The following TNFSF13B variants were observed in gnomAD, a reference collection of about 807,000 sequenced individuals.
The protein encoded by TNFSF13B is TNF superfamily member 13b, also known as tumor necrosis factor ligand superfamily member 13B.
Under a neutral mutation model 29.1 loss-of-function variants are expected in TNFSF13B, and 8 were observed. That is an observed-to-expected ratio of 0.27 (90% CI 0.16 to 0.50). TNFSF13B has a LOEUF of 0.50. Among genes scored for constraint, TNFSF13B ranks in the 20% least tolerant of loss-of-function variants. TNFSF13B has a pLI of 0.98. For missense variants in TNFSF13B, 248 were observed against 334.9 expected (o/e 0.74, Z 2.03); for synonymous variants, 125 against 130.8 (o/e 0.96, Z 0.30).
chr13:108,289,931 T>C (rs116009384), intron 3 of TNFSF13B, among the ~76,000 whole-genome samples: 89 of 152,188 alleles, frequency 5.8e-4, no homozygotes, highest in African/African-American at 2.1e-3. Flanking sequence ...AGATTTTGAA[T>C]AGGTAATGCA....
intron 3 of TNFSF13B, among the ~76,000 whole-genome samples, chr13:108,287,101 C>T (rs538204243): frequency 1.4e-3 from 185 of 127,884 alleles, no homozygotes; most frequent in African/African-American, 5.4e-3. Flanking sequence ...AGGGGAACAT[C>T]ACACACCGGG....
At chr13:108,274,393 ATACATAGTG>A (rs1880707826) in intron 2 of TNFSF13B, among the ~76,000 whole-genome samples, 2 of 150,950 alleles carry the variant, frequency 1.3e-5, no homozygotes, top group African/African-American at 2.4e-5. Context: ...ATATATATAC[ATACATAGTG>A]TGCATATGTG....
Position 108,270,930 on chromosome 13 carries a change from AT to A in TNFSF13B, c.424+509del, listed in dbSNP as rs755214053. Among the ~76,000 whole-genome samples, 75 of 151,806 alleles carry A rather than the reference AT, an allele frequency of 4.9e-4. 1 individual carries two copies. Among genetic ancestry groups the A allele is most frequent in the Middle Eastern group, 6.8e-3 (2 of 294 alleles). ...TGTATGTTGTACTTTAATTTTGTTT[AT>A]TTGTTAAAAAGGTTATTTTACACAC... On this transcript the variant is annotated intron_variant, in intron 2 of 5. Coordinates refer to ENST00000375887, the MANE Select transcript of TNFSF13B (RefSeq NM_006573.5).
At chr13:108,277,900 T>G (rs1163895732) in intron 2 of TNFSF13B, among the ~76,000 whole-genome samples, 1 of 152,150 alleles carries the variant, frequency 6.6e-6, no homozygotes, top group Non-Finnish European at 1.5e-5. Flanking sequence ...TATTTTGTGC[T>G]GATCTCCTAT....
In TNFSF13B at chr13:108,307,261, A is replaced by AT. The variant is rs1881806318; in HGVS notation, c.*325dup. 1 of 205,946 alleles carries AT rather than the reference A, an allele frequency of 4.9e-6. No homozygotes were observed. Among genetic ancestry groups the AT allele is most frequent in the African/African-American group, 2.4e-5 (1 of 42,266 alleles). 12.8% of individuals were successfully genotyped at this position (205,946 alleles called of 1,614,324 possible). ...CTTCTTATCTTGGAGGAAGGACACA[A>AT]TTCAAAGGGGCAGTAAGGATTTTGT... On this transcript the variant is annotated 3_prime_UTR_variant, in exon 6 of 6. Coordinates refer to ENST00000375887, the MANE Select transcript of TNFSF13B (RefSeq NM_006573.5).
At chr13:108,293,179 AT>A (rs1881371922) in intron 3 of TNFSF13B, among the ~76,000 whole-genome samples, 1 of 152,020 alleles carries the variant, frequency 6.6e-6, no homozygotes, top group Non-Finnish European at 1.5e-5. Context: ...GAAGAAGATG[AT>A]TTCTTCCACA....
At chr13:108,269,646 T>C (rs555424515), upstream of TNFSF13B, 110 of 427,758 alleles carry the variant, frequency 2.6e-4, no homozygotes, top group African/African-American at 2.1e-3. Flanking sequence ...TTACAAAAAC[T>C]GAAAGTGAAA....
At chr13:108,276,238 G>A (rs1303773484) in intron 2 of TNFSF13B, among the ~76,000 whole-genome samples, 3 of 152,168 alleles carry the variant, frequency 2.0e-5, no homozygotes, top group Non-Finnish European at 4.4e-5. Flanking sequence ...GTGTTCCTTC[G>A]TGGAACAGAA....
At chr13:108,282,744 C>T (rs979639173) in intron 2 of TNFSF13B, among the ~76,000 whole-genome samples, 5 of 151,994 alleles carry the variant, frequency 3.3e-5, no homozygotes, top group African/African-American at 7.2e-5. Flanking sequence ...ATGTATTTTA[C>T]ACATTATTAC....
intron 2 of TNFSF13B, among the ~76,000 whole-genome samples, chr13:108,270,967 A>G (rs1313439506): frequency 1.3e-5 from 2 of 152,038 alleles, no homozygotes; most frequent in African/African-American, 2.4e-5. Flanking sequence ...ACACACACAC[A>G]CACGCACAGA....
intron 2 of TNFSF13B, among the ~76,000 whole-genome samples, chr13:108,285,411 C>G (rs1344504333): frequency 6.6e-6 from 1 of 152,226 alleles, no homozygotes; most frequent in African/African-American, 2.4e-5. Context: ...TCAGAGCATA[C>G]TTACACAAAC....
rs182175092 is a variant in TNFSF13B at position 108,279,163 on chromosome 13, T to C, written c.425-7640T>C. The stretch of plus-strand genomic sequence containing the variant: ...AGAATTGTTTGGAAAAGTTGAGTGC[T>C]ATTTTTTATGTAAATTGTTTCATAT... On this transcript the variant is annotated intron_variant, in intron 2 of 5. Coordinates refer to ENST00000375887, the MANE Select transcript of TNFSF13B (RefSeq NM_006573.5). 3.1e-3 allele frequency among the ~76,000 whole-genome samples: 466 copies of C among 152,344 alleles called. 3 individuals are homozygous for C. Among genetic ancestry groups the C allele is most frequent in the Non-Finnish European group, 5.0e-3 (338 of 68,026 alleles).
chr13:108,305,157 G>A (rs889480843), intron 5 of TNFSF13B, among the ~76,000 whole-genome samples: 2 of 151,988 alleles, frequency 1.3e-5, no homozygotes, highest in Non-Finnish European at 2.9e-5. Flanking sequence ...TTGTATATGA[G>A]TACCATCCTC....
intron 3 of TNFSF13B, among the ~76,000 whole-genome samples, chr13:108,293,697 C>T (rs1337324194): frequency 1.3e-5 from 2 of 152,118 alleles, no homozygotes. Context: ...TTAGTCAGTT[C>T]AGTTTGCTAT....
intron 2 of TNFSF13B, among the ~76,000 whole-genome samples, 157 bp downstream of exon 2, chr13:108,270,581 C>T (rs892114266): frequency 1.3e-5 from 2 of 152,156 alleles, no homozygotes; most frequent in African/African-American, 4.8e-5. Flanking sequence ...AAAGCCCCAG[C>T]GCTGGCAAAT....
intron 3 of TNFSF13B, among the ~76,000 whole-genome samples, chr13:108,292,876 C>A (rs1269052432): frequency 6.6e-6 from 1 of 152,078 alleles, no homozygotes; most frequent in Non-Finnish European, 1.5e-5. Context: ...TGTGGATTAT[C>A]TTTTTACTTT....
intron 3 of TNFSF13B, among the ~76,000 whole-genome samples, chr13:108,287,122 G>A (rs1397015559): frequency 2.3e-5 from 3 of 128,712 alleles, no homozygotes; most frequent in Non-Finnish European, 3.2e-5. Flanking sequence ...GCCTGTTGTG[G>A]GGTGGGGGGA....
chr13:108,280,540 C>A (rs1880911251), intron 2 of TNFSF13B, among the ~76,000 whole-genome samples: 1 of 152,116 alleles, frequency 6.6e-6, no homozygotes, highest in Non-Finnish European at 1.5e-5. Context: ...TCTTCACTGG[C>A]AAGCTCCTGA....
At chr13:108,271,347 G>T (rs1056054777) in intron 2 of TNFSF13B, among the ~76,000 whole-genome samples, 1 of 151,624 alleles carries the variant, frequency 6.6e-6, no homozygotes, top group African/African-American at 2.4e-5. Flanking sequence ...GTGACGCTAT[G>T]AAGTCCACAG....
Sources: allele counts gnomAD v4.1 joint callset (sites outside exome capture counted in the v4.1 genomes callset), GRCh38; gene constraint gnomAD v4.1.1; transcripts MANE v1.5; gene names NCBI Gene and HGNC (gene_info 2026-07-23, HGNC 2026-07-21).